Variants in PPP4R3B observed in about 807,000 individuals in gnomAD.
PPP4R3B encodes the protein serine/threonine-protein phosphatase 4 regulatory subunit 3B.
PPP4R3B carries 52 observed loss-of-function variants against 95.4 expected under a neutral mutation model. The observed-to-expected ratio is 0.54, with a 90% CI of 0.44 to 0.69. The LOEUF (loss-of-function observed/expected upper bound fraction) is 0.69, where lower values mean the gene tolerates loss of function less well. PPP4R3B is among the 30% of genes least tolerant of loss of function. PPP4R3B has a pLI of 0.00. For missense variants in PPP4R3B, 1,003 were observed against 1,005.9 expected, an observed-to-expected ratio of 1.00 and a Z score of 0.04; for synonymous variants, 407 against 343.9, an observed-to-expected ratio of 1.18 and a Z score of -2.03.
intron 5 of PPP4R3B, among the ~76,000 whole-genome samples, chr2:55,588,454 G>C (rs1690472125): frequency 6.6e-6 from 1 of 151,200 alleles, no homozygotes; most frequent in South Asian, 2.1e-4. Flanking sequence ...CAGAGGTTGT[G>C]GTGAGCCGAG....
At chr2:55,600,562 A>T (rs1440110956) in intron 3 of PPP4R3B, among the ~76,000 whole-genome samples, 1 of 152,056 alleles carries the variant, frequency 6.6e-6, no homozygotes, top group Non-Finnish European at 1.5e-5. Flanking sequence ...AAAAAGTAAA[A>T]CATGAGATAT....
At chr2:55,552,171 A>G (rs1207218881) in intron 16 of PPP4R3B, among the ~76,000 whole-genome samples, 2 of 152,200 alleles carry the variant, frequency 1.3e-5, no homozygotes, top group Non-Finnish European at 2.9e-5. Context: ...AAAAATAATA[A>G]AAATGCAAAA....
intron 12 of PPP4R3B, among the ~76,000 whole-genome samples, chr2:55,569,501 T>C (rs190925642): frequency 6.6e-6 from 1 of 152,304 alleles, no homozygotes; most frequent in Admixed American, 6.5e-5. Context: ...CTCTGCCTTC[T>C]AGAAAGCAGT....
chr2:55,560,741 C>T (rs1380099225), intron 15 of PPP4R3B, among the ~76,000 whole-genome samples: 4 of 127,458 alleles, frequency 3.1e-5, no homozygotes, highest in Non-Finnish European at 6.2e-5. Context: ...CATGCCACTG[C>T]ATTCCAGCCT....
chr2:55,598,373 A>C, intron 4 of PPP4R3B, 43 bp downstream of exon 4: 1 of 1,583,424 alleles, frequency 6.3e-7, no homozygotes, highest in Middle Eastern at 1.7e-4. Context: ...AAGGGAACTA[A>C]ATATCTGAAA....
At chr2:55,581,949 A>G (rs1000021861) in intron 7 of PPP4R3B, among the ~76,000 whole-genome samples, 8 of 152,142 alleles carry the variant, frequency 5.3e-5, no homozygotes, top group African/African-American at 1.9e-4. Flanking sequence ...AAAGCAGAGC[A>G]TGCTTCAACT....
At chr2:55,594,686 G>C (rs1282934774) in intron 4 of PPP4R3B, among the ~76,000 whole-genome samples, 1 of 152,138 alleles carries the variant, frequency 6.6e-6, no homozygotes, top group Non-Finnish European at 1.5e-5. Context: ...ATCAACTACA[G>C]ACTGTGACTC....
chr2:55,606,014 A>C (rs776122264), intron 2 of PPP4R3B, among the ~76,000 whole-genome samples: 16 of 151,994 alleles, frequency 1.1e-4, no homozygotes, highest in Non-Finnish European at 1.9e-4. Context: ...AAAATTCAGT[A>C]AGAACCTCCA....
chr2:55,614,330 C>T (rs1179760518), intron 2 of PPP4R3B: 1 of 152,020 alleles, frequency 6.6e-6, no homozygotes, highest in Non-Finnish European at 1.5e-5. Flanking sequence ...ACTTTACATA[C>T]CACACACAAA....
intron 3 of PPP4R3B, 23 bp from the exon 4 acceptor site, chr2:55,599,062 C>A: frequency 6.4e-7 from 1 of 1,560,212 alleles, no homozygotes; most frequent in Non-Finnish European, 8.6e-7. Context: ...AAGTATACAG[C>A]TAATTACCTT....
At chr2:55,563,566 G>A (rs1193086061) in intron 15 of PPP4R3B, among the ~76,000 whole-genome samples, 2 of 152,126 alleles carry the variant, frequency 1.3e-5, no homozygotes, top group East Asian at 1.9e-4. Context: ...TAGAGACAGG[G>A]TTTTACCATG....
At chr2:55,594,953 C>A (rs1691559101) in intron 4 of PPP4R3B, among the ~76,000 whole-genome samples, 1 of 150,516 alleles carries the variant, frequency 6.6e-6, no homozygotes, top group Admixed American at 6.6e-5. Flanking sequence ...GGAAACGTCG[C>A]AAAATGAAGT....
intron 5 of PPP4R3B, among the ~76,000 whole-genome samples, chr2:55,587,939 A>C (rs1373300474): frequency 6.6e-6 from 1 of 152,226 alleles, no homozygotes; most frequent in East Asian, 1.9e-4. Flanking sequence ...AAATAAATAA[A>C]AATCTGAAAC....
chr2:55,547,338 C>T lies in PPP4R3B; in HGVS notation c.*2573G>A, dbSNP rs1558920007. The T allele has an allele frequency of 1.3e-5, 2 of 152,124 alleles. No homozygotes were observed. The highest frequency in any genetic ancestry group is 4.8e-5 in the African/African-American group (2 of 41,408). The allele number at this position is 152,124 out of a possible 1,614,324, so 9.4% of individuals were successfully genotyped here. On this transcript the variant is annotated 3_prime_UTR_variant, in exon 17 of 17. Transcript: ENST00000616407. ...TTAAAAATAGTTTTTATATTGGACA[C>T]ATGTTTACAGATACCATTTTAAGAA... is the stretch of plus-strand genomic sequence containing the variant.
intron 2 of PPP4R3B, among the ~76,000 whole-genome samples, chr2:55,613,847 A>G (rs966990866): frequency 1.1e-4 from 17 of 152,126 alleles, no homozygotes; most frequent in African/African-American, 4.1e-4. Context: ...TTCCCCACAA[A>G]GAAGCAAGCA....
intron 2 of PPP4R3B, among the ~76,000 whole-genome samples, chr2:55,612,893 C>G (rs1053973248): frequency 6.7e-6 from 1 of 149,616 alleles, no homozygotes; most frequent in Admixed American, 6.7e-5. Context: ...TTGCAGTGAG[C>G]AGAAATCGCA....
intron 3 of PPP4R3B, among the ~76,000 whole-genome samples, chr2:55,600,914 T>A (rs897309056): frequency 2.0e-5 from 3 of 152,100 alleles, no homozygotes; most frequent in African/African-American, 7.2e-5. Flanking sequence ...ATCCCAGCAC[T>A]TTGGGACGCT....
At chr2:55,580,192 C>A (rs1160312343) in intron 8 of PPP4R3B, among the ~76,000 whole-genome samples, 1 of 152,022 alleles carries the variant, frequency 6.6e-6, no homozygotes, top group African/African-American at 2.4e-5. Context: ...TATATAATAA[C>A]AACATATTAC....
chr2:55,568,156 T>A (rs79690212), intron 13 of PPP4R3B, 38 bp downstream of exon 13: 1 of 1,311,476 alleles, frequency 7.6e-7, no homozygotes, highest in Non-Finnish European at 1.0e-6. Flanking sequence ...TATTTACATA[T>A]AATTACATAT....
Sources: allele counts gnomAD v4.1 joint callset (sites outside exome capture counted in the v4.1 genomes callset), GRCh38; gene constraint gnomAD v4.1.1; transcripts MANE v1.5; gene names NCBI Gene and HGNC (gene_info 2026-07-23, HGNC 2026-07-21).